Variants in MLH3 observed in about 807,000 individuals in gnomAD.
MLH3 encodes the protein mutL homolog 3, also known as DNA mismatch repair protein Mlh3.
A neutral mutation model predicts 122.2 loss-of-function variants in MLH3; 82 were observed. That is an observed-to-expected ratio of 0.67 (90% CI 0.56 to 0.81). MLH3 has a LOEUF of 0.81. Ranked by LOEUF, MLH3 falls within the 30% of genes least tolerant of loss-of-function variation. The pLI is 0.00. For synonymous variants in MLH3, 524 were observed against 599.5 expected, an observed-to-expected ratio of 0.87 and a Z score of 1.84; for missense variants, 1,539 against 1,714.5, an observed-to-expected ratio of 0.90 and a Z score of 1.81.
At position 75,048,469 on chromosome 14, in the gene MLH3, T is replaced by C. The variant is rs770129424; in HGVS notation, c.1187A>G (p.Asn396Ser). 4 of 1,612,706 alleles carry C rather than the reference T, an allele frequency of 2.5e-6. No individual in the cohort carries two copies. Among genetic ancestry groups the C allele is most frequent in the Non-Finnish European group, 2.5e-6 (3 of 1,179,654 alleles). The part of the protein sequence containing the change: ...ERSNFQEACN[N>S]ILDSYEMFNL... ...AAACATCTCATAGGAATCTAAAATA[T>C]TATTACATGCTTCCTGGAAATTGCT... is the stretch of plus-strand genomic sequence containing the variant. Residue 396 changes from asparagine to serine, a missense_variant, in exon 2 of 13, where the codon AAT (asparagine) becomes AGT (serine). Coordinates refer to ENST00000355774, the MANE Select transcript of MLH3 (RefSeq NM_001040108.2).
At chr14:75,031,999 T>C (rs1025141740) in intron 8 of MLH3, 69 bp downstream of exon 8, 13 of 1,014,938 alleles carry the variant, frequency 1.3e-5, no homozygotes, top group African/African-American at 7.9e-5. Context: ...ACAATAGTTA[T>C]GCTTATTCCT....
chr14:75,041,587 A>T (rs61980788), intron 4 of MLH3, 28 bp downstream of exon 4: 1 of 1,540,310 alleles, frequency 6.5e-7, no homozygotes, highest in Non-Finnish European at 9.0e-7. Context: ...GAAAAAAAAA[A>T]GGCAAAGAAA....
At chr14:75,035,605 T>C (rs1342702613) in intron 6 of MLH3, among the ~76,000 whole-genome samples, 2 of 152,246 alleles carry the variant, frequency 1.3e-5, no homozygotes, top group Non-Finnish European at 2.9e-5. Flanking sequence ...TCTATATTCA[T>C]GATAATTCTG....
At chr14:75,027,537 A>G (rs1798202677) in intron 9 of MLH3, among the ~76,000 whole-genome samples, 1 of 152,102 alleles carries the variant, frequency 6.6e-6, no homozygotes, top group Non-Finnish European at 1.5e-5. Flanking sequence ...CTGGGATTAC[A>G]GGCATGAGCC....
intron 5 of MLH3, among the ~76,000 whole-genome samples, chr14:75,039,702 C>A (rs1891674164): frequency 6.6e-6 from 1 of 151,464 alleles, no homozygotes; most frequent in Non-Finnish European, 1.5e-5. Context: ...ATATTTCTTT[C>A]TTTGTAATTA....
At chr14:75,036,684 A>G (rs1370902557) in intron 6 of MLH3, 1 of 456,010 alleles carries the variant, frequency 2.2e-6, no homozygotes. Context: ...GACTGAACTC[A>G]TGATTTTCAT....
Position 75,046,527 on chromosome 14 carries a change from A to G in MLH3, c.3129T>C (p.Asp1043=), listed in dbSNP as rs1396629098. ...GGGCTACATCGAAATGCCGCTGCCA[A>G]TCTGAACAACACGTGTTTGACTCTT... ...ETEESNTCCS[D]WQRHFDVALG... Residue 1043 remains aspartate (D), a synonymous_variant, in exon 2 of 13, where the codon GAT becomes GAC. Transcript: ENST00000355774. 3 of 1,614,080 alleles carry G rather than the reference A, an allele frequency of 1.9e-6. No individual in the cohort carries two copies. The highest frequency in any genetic ancestry group is 2.5e-6 in the Non-Finnish European group (3 of 1,180,038).
chr14:75,042,615 T>A, intron 2 of MLH3, 138 bp from the exon 3 acceptor site: 1 of 677,240 alleles, frequency 1.5e-6, no homozygotes, highest in East Asian at 2.7e-5. Flanking sequence ...AGATTGAGAA[T>A]CAGAAATCCT....
At chr14:75,036,422 T>C (rs1333878977) in intron 6 of MLH3, among the ~76,000 whole-genome samples, 1 of 152,090 alleles carries the variant, frequency 6.6e-6, no homozygotes, top group Non-Finnish European at 1.5e-5. Context: ...CTTGGCGCAC[T>C]GCAACCTCCG....
Position 75,049,557 on chromosome 14 carries a change from A to C in MLH3, c.99T>G (p.Ser33Arg), listed in dbSNP as rs1197141918. The change falls in exon 2 of 13, where the codon AGT becomes AGG. Residue 33 changes from serine to arginine, a missense_variant. By Grantham distance (110) the Ser-to-Arg change is moderately radical (BLOSUM62 -1). Coordinates refer to ENST00000355774, the MANE Select transcript of MLH3 (RefSeq NM_001040108.2). ...GQCVEELALN[S>R]IDAEAKCVAV... ...CCACACATTTTGCTTCAGCATCAAT[A>C]CTGTTGAGGGCAAGTTCCTCAACAC... The C allele has an allele frequency of 1.9e-6, 3 of 1,614,224 alleles. No homozygotes were observed. The highest frequency in any genetic ancestry group is 2.5e-6 in the Non-Finnish European group (3 of 1,180,040).
rs1890987536 is a variant in MLH3 at position 75,030,644 on chromosome 14, C to T, written c.3886G>A (p.Asp1296Asn). Residue 1296 changes from aspartate (D) to asparagine (N), a missense_variant, in exon 9 of 13, where the codon GAT (aspartate) becomes AAT (asparagine). Asp to Asn is a conservative substitution (Grantham distance 23). Transcript: ENST00000355774. ...ACTTTTCCCACAAGGACCAGAGAATCACTAGTGTCTGGAAATACAAATTCA... is the reference window on the plus strand; with the variant it reads ...ACTTTTCCCACAAGGACCAGAGAATTACTAGTGTCTGGAAATACAAATTCA... ...GLEFVFPDTS[D>N]SLVLVGKVPL... 1.2e-6 allele frequency: 2 copies of T among 1,613,788 alleles called. No individual in the cohort carries two copies. The highest frequency in any genetic ancestry group is 4.5e-5 in the East Asian group (2 of 44,864).
At chr14:75,022,746 A>G in intron 11 of MLH3, 68 bp downstream of exon 11, 1 of 1,394,772 alleles carries the variant, frequency 7.2e-7, no homozygotes, top group South Asian at 1.2e-5. Flanking sequence ...CCTCTTTTGT[A>G]ATCCCGGCAG....
At position 75,014,656 on chromosome 14, in the gene MLH3, T is replaced by A. The variant is rs754337943; in HGVS notation, c.*2426A>T. 7 of 206,642 alleles carry A rather than the reference T, an allele frequency of 3.4e-5. No individual in the cohort carries two copies. Among genetic ancestry groups the A allele is most frequent in the Non-Finnish European group, 4.9e-5 (5 of 101,106 alleles). The allele number at this position is 206,642 out of a possible 1,614,324, so 12.8% of individuals were successfully genotyped here. A position where few individuals can be genotyped will look rare whatever the true frequency, so the allele number is the denominator to read the frequency against. ...CCTTCACTTCTCAATGAAGTGTTGA[T>A]GAATGTTACAGAAAAAGGAACTCTC... On this transcript the variant is annotated 3_prime_UTR_variant, in exon 13 of 13. Transcript: ENST00000355774.
At chr14:75,022,587 T>C (rs1372100634) in intron 11 of MLH3, among the ~76,000 whole-genome samples, 2 of 152,252 alleles carry the variant, frequency 1.3e-5, no homozygotes, top group African/African-American at 2.4e-5. Context: ...CTCTAGGAGT[T>C]ATTCCTCCAC....
At position 75,016,968 on chromosome 14, in the gene MLH3, C is replaced by T. The variant is rs1277088845; in HGVS notation, c.*114G>A. ...AGAGAGCCCTGCTGTCTAAGCTGCTCAGGGACACTGGGCTGATTCAGTCAG... is the reference window on the plus strand; with the variant it reads ...AGAGAGCCCTGCTGTCTAAGCTGCTTAGGGACACTGGGCTGATTCAGTCAG... On this transcript the variant is annotated 3_prime_UTR_variant, in exon 13 of 13. Transcript: ENST00000355774. The T allele has an allele frequency of 7.8e-7, 1 of 1,277,402 alleles. No homozygotes were observed. The highest frequency in any genetic ancestry group is 1.5e-5 in the African/African-American group (1 of 68,608). 79.1% of individuals were successfully genotyped at this position (1,277,402 alleles called of 1,614,324 possible). A position where few individuals can be genotyped will look rare whatever the true frequency, so the allele number is the denominator to read the frequency against.
chr14:75,030,038 G>C (rs1377817117), intron 9 of MLH3, among the ~76,000 whole-genome samples: 1 of 151,834 alleles, frequency 6.6e-6, no homozygotes, highest in Non-Finnish European at 1.5e-5. Context: ...TCTGTAGTCC[G>C]AGTTACTTGG....
chr14:75,028,099 T>C (rs1183137975), intron 9 of MLH3, among the ~76,000 whole-genome samples: 1 of 149,336 alleles, frequency 6.7e-6, no homozygotes, highest in African/African-American at 2.5e-5. Flanking sequence ...ACAAAATAAA[T>C]GATATTTGCT....
chr14:75,037,905 T>G (rs953808865), intron 6 of MLH3, among the ~76,000 whole-genome samples: 14 of 152,214 alleles, frequency 9.2e-5, no homozygotes, highest in African/African-American at 3.4e-4. Flanking sequence ...CCTGAGTATA[T>G]GTATGTGTAT....
chr14:75,033,561 A>T, intron 6 of MLH3, 71 bp from the exon 7 acceptor site: 1 of 1,160,596 alleles, frequency 8.6e-7, no homozygotes, highest in Non-Finnish European at 1.3e-6. Flanking sequence ...TTGAGGACAG[A>T]GAAGACTTAA....
Sources: allele counts gnomAD v4.1 joint callset (sites outside exome capture counted in the v4.1 genomes callset), GRCh38; gene constraint gnomAD v4.1.1; transcripts MANE v1.5; gene names NCBI Gene and HGNC (gene_info 2026-07-23, HGNC 2026-07-21).